Variants in PDE11A observed in about 807,000 individuals in gnomAD.
PDE11A encodes phosphodiesterase 11A.
Under a neutral mutation model 100.5 loss-of-function variants are expected in PDE11A, and 100 were observed. The ratio of observed to expected loss-of-function variants is 1.00; its 90% CI spans 0.85 to 1.18. PDE11A has a LOEUF of 1.18. PDE11A is among the 50% of genes most tolerant of loss of function. The pLI is 0.00. For missense variants in PDE11A, 1,141 were observed against 1,152.6 expected (o/e 0.99, Z 0.15); for synonymous variants, 381 against 420.8 (o/e 0.91, Z 1.16).
intron 19 of PDE11A, among the ~76,000 whole-genome samples, chr2:177,631,788 T>G (rs1448923458): frequency 6.6e-6 from 1 of 151,392 alleles, no homozygotes; most frequent in Non-Finnish European, 1.5e-5. Flanking sequence ...CTGAAAGAAG[T>G]ATAAAAAGCT....
rs568290513 is a variant in PDE11A at position 177,862,425 on chromosome 2, A to T, written c.1367+13434T>A. Among the ~76,000 whole-genome samples the T allele has an allele frequency of 3.9e-5, 6 of 152,016 alleles. No homozygotes were observed. In the East Asian group the frequency reaches 1.2e-3, roughly 29 times the overall value. ...GTACAATTATCTCTATTTGCAGATGACATAATTCTGGAATCTCCTAAGATT... is the reference window on the plus strand; with the variant it reads ...GTACAATTATCTCTATTTGCAGATGTCATAATTCTGGAATCTCCTAAGATT... On this transcript the variant is annotated intron_variant, in intron 5 of 19. Transcript: ENST00000286063.
In PDE11A at chr2:178,071,833, C is replaced by A. The variant is rs752822096; in HGVS notation, c.605G>T (p.Arg202Leu). The stretch of plus-strand genomic sequence containing the variant: ...TTTGACCAATTCCAGAAAGAACTGA[C>A]GCTCATTATGCTTTTTCAGATGGCA... Reference protein sequence around the residue: ...YKCHLKKHNERQFFLELVKDI... With the variant: ...YKCHLKKHNELQFFLELVKDI... The change falls in exon 1 of 20, where the codon CGT becomes CTT. Residue 202 changes from arginine to leucine, a missense_variant. Coordinates refer to ENST00000286063, the MANE Select transcript of PDE11A (RefSeq NM_016953.4). The A allele has an allele frequency of 9.9e-6, 16 of 1,613,882 alleles. No individual in the cohort carries two copies. The Admixed American group carries it at 1.7e-4, about 17-fold the overall frequency.
At chr2:178,088,068 C>T (rs2087380702) in intron 2 of PDE11A, among the ~76,000 whole-genome samples, 1 of 152,174 alleles carries the variant, frequency 6.6e-6, no homozygotes, top group Non-Finnish European at 1.5e-5. Context: ...CATGCAACCC[C>T]TGACTCACAT....
rs1006908993 is a variant in PDE11A, at chr2:177,624,322, G to A, written c.*5085C>T. ...TTTAAATCTTTCCCTAGTATGTCTA[G>A]GTTTCTGTCCCACTGGAAGGAAATT... On this transcript the variant is annotated 3_prime_UTR_variant, in exon 20 of 20. Transcript: ENST00000286063. 2.7e-5 allele frequency: 4 copies of A among 149,498 alleles called. No individual in the cohort carries two copies. Among genetic ancestry groups the A allele is most frequent in the Non-Finnish European group, 4.4e-5 (3 of 67,594 alleles). The allele number at this position is 149,498 out of a possible 1,614,324, so 9.3% of individuals were successfully genotyped here.
In PDE11A at chr2:177,921,061, C is replaced by CA. The variant is rs34249286; in HGVS notation, c.1072-15875dup. On this transcript the variant is annotated intron_variant, in intron 2 of 19. Coordinates refer to ENST00000286063, the MANE Select transcript of PDE11A (RefSeq NM_016953.4). Reference sequence around the variant, plus strand: ...TGGGCGACAGAGCGAGACTCCATCTCAAAAAAAAAAAAAAATTGTTTCAAA... The same window carrying CA: ...TGGGCGACAGAGCGAGACTCCATCTCAAAAAAAAAAAAAAAATTGTTTCAAA... 2.0e-3 allele frequency among the ~76,000 whole-genome samples: 175 copies of CA among 87,666 alleles called. 1 individual carries two copies. The East Asian group carries it at 0.025, about 12-fold the overall frequency. 57.5% of individuals were successfully genotyped at this position (87,666 alleles called of 152,430 possible).
At chr2:178,086,524 T>C (rs1001864751) in intron 2 of PDE11A, among the ~76,000 whole-genome samples, 2 of 152,198 alleles carry the variant, frequency 1.3e-5, no homozygotes, top group African/African-American at 4.8e-5. Flanking sequence ...TGATTTAAAA[T>C]GACCACCCTA....
At position 177,649,090 on chromosome 2, in the gene PDE11A, G is replaced by A. The variant is rs145338520; in HGVS notation, c.2646+14776C>T. On this transcript the variant is annotated intron_variant, in intron 19 of 19. Transcript: ENST00000286063. ...TAATGAGATAGATTTTATAGCTATC[G>A]TATTAGCAAAATTGAAATTTGGTAA... is the stretch of plus-strand genomic sequence containing the variant. Among the ~76,000 whole-genome samples the A allele has an allele frequency of 3.0e-4, 45 of 152,088 alleles. No individual in the cohort carries two copies. The East Asian group carries it at 5.6e-3, about 19-fold the overall frequency.
At chr2:178,068,902 G>A (rs1267987994) in intron 1 of PDE11A, among the ~76,000 whole-genome samples, 2 of 152,134 alleles carry the variant, frequency 1.3e-5, no homozygotes, top group African/African-American at 2.4e-5. Context: ...CACATTTAGG[G>A]ACATTTTAAG....
intron 17 of PDE11A, among the ~76,000 whole-genome samples, chr2:177,672,834 T>C (rs189255467): frequency 3.3e-5 from 5 of 152,250 alleles, no homozygotes; most frequent in African/African-American, 9.6e-5. Flanking sequence ...AAATGAAAAT[T>C]GCGATACACT....
intron 2 of PDE11A, among the ~76,000 whole-genome samples, chr2:177,928,601 G>A (rs2085163100): frequency 6.6e-6 from 1 of 152,134 alleles, no homozygotes; most frequent in African/African-American, 2.4e-5. Flanking sequence ...TGAAACTGAA[G>A]AATTAACTTT....
intron 9 of PDE11A, among the ~76,000 whole-genome samples, chr2:177,800,012 C>T (rs11892483): frequency 0.025 from 3,852 of 152,114 alleles, 153 homozygotes; most frequent in African/African-American, 0.088. Context: ...TCGTTATTAA[C>T]AATCCCACAA....
chr2:178,066,477 A>T (rs537074523), intron 1 of PDE11A, among the ~76,000 whole-genome samples: 1 of 152,308 alleles, frequency 6.6e-6, no homozygotes, highest in South Asian at 2.1e-4. Context: ...CTTGGTTCAC[A>T]TACAGTCTCC....
intron 5 of PDE11A, among the ~76,000 whole-genome samples, chr2:177,846,906 GCAGCT>G (rs886067958): frequency 7.2e-5 from 11 of 152,082 alleles, no homozygotes; most frequent in African/African-American, 2.7e-4. Context: ...ATATTTTGTG[GCAGCT>G]CAGTTTACTT....
chr2:177,782,351 T>C (rs1408967320), intron 9 of PDE11A, among the ~76,000 whole-genome samples: 1 of 152,188 alleles, frequency 6.6e-6, no homozygotes, highest in African/African-American at 2.4e-5. Flanking sequence ...AACCATTAAG[T>C]TGCCAAAAAG....
At chr2:178,024,498 T>A (rs779020590) in intron 1 of PDE11A, among the ~76,000 whole-genome samples, 1 of 152,220 alleles carries the variant, frequency 6.6e-6, no homozygotes, top group African/African-American at 2.4e-5. Context: ...ATTTAGCTTT[T>A]GTTTTATTTT....
At chr2:177,877,455 G>C (rs1358339650) in intron 4 of PDE11A, among the ~76,000 whole-genome samples, 1 of 152,078 alleles carries the variant, frequency 6.6e-6, no homozygotes, top group Non-Finnish European at 1.5e-5. Context: ...ACGAGCCACC[G>C]CATCTGGCCA....
chr2:177,711,671 G>A, intron 13 of PDE11A, 98 bp downstream of exon 13: 1 of 761,862 alleles, frequency 1.3e-6, no homozygotes. Context: ...CTTGGCCTCG[G>A]ATGCCAGAAA....
chr2:177,754,879 G>T (rs1335259083), intron 10 of PDE11A, among the ~76,000 whole-genome samples: 1 of 152,172 alleles, frequency 6.6e-6, no homozygotes, highest in Non-Finnish European at 1.5e-5. Context: ...TTCTAATGAG[G>T]CCAGGAAGTA....
chr2:177,799,371 T>A (rs2082752422), intron 9 of PDE11A, among the ~76,000 whole-genome samples: 1 of 152,142 alleles, frequency 6.6e-6, no homozygotes, highest in Non-Finnish European at 1.5e-5. Context: ...ATGTACCATA[T>A]CTTAATAGAG....
Sources: gnomAD v4.1 joint callset for allele counts (sites outside exome capture counted in the v4.1 genomes callset) on GRCh38, gnomAD v4.1.1 for gene constraint, MANE v1.5 for transcripts, NCBI Gene and HGNC (gene_info 2026-07-23, HGNC 2026-07-21) for gene names.